The following STIM1 variants were observed in gnomAD, a reference collection of about 807,000 sequenced individuals.
The protein encoded by STIM1 is stromal interaction molecule 1.
A neutral mutation model predicts 74.7 loss-of-function variants in STIM1; 25 were observed. The ratio of observed to expected loss-of-function variants is 0.33; its 90% CI spans 0.24 to 0.47. The LOEUF (loss-of-function observed/expected upper bound fraction) is 0.47. Among genes scored for constraint, STIM1 ranks in the 20% least tolerant of loss-of-function variants. The probability of loss-of-function intolerance (pLI) is 1.00; values close to 1 mark genes in which losing one functional copy is unlikely to be tolerated. For missense variants in STIM1, 728 were observed against 920.8 expected (o/e 0.79, Z 2.71); for synonymous variants, 328 against 348.8 (o/e 0.94, Z 0.66).
intron 2 of STIM1, among the ~76,000 whole-genome samples, chr11:3,982,781 A>G (rs910000169): frequency 2.0e-5 from 3 of 152,296 alleles, no homozygotes; most frequent in African/African-American, 7.2e-5. Context: ...TGTGAATTAA[A>G]TCTCAATAAA....
chr11:4,081,578 T>G (rs10767827), intron 7 of STIM1, among the ~76,000 whole-genome samples: 117,858 of 152,160 alleles, frequency 0.77, 47,260 homozygotes, highest in South Asian at 0.91. Flanking sequence ...CATTTTTCAG[T>G]TCTCTCTGAC....
At chr11:4,000,420 C>T (rs1379332258) in intron 2 of STIM1, among the ~76,000 whole-genome samples, 6 of 150,436 alleles carry the variant, frequency 4.0e-5, no homozygotes, top group South Asian at 2.2e-4. Context: ...GCAGCATTCG[C>T]GGATCATGAA....
chr11:3,895,743 T>TCTTTTCCTTCCTTC, intron 1 of STIM1, among the ~76,000 whole-genome samples: 1 of 34,526 alleles, frequency 2.9e-5, no homozygotes, highest in South Asian at 1.2e-3. Context: ...TCTTTTTCTT[T>TCTTTTCCTTCCTTC]CTTCCTTCCT....
At chr11:4,033,573 A>T (rs2094070786) in intron 3 of STIM1, among the ~76,000 whole-genome samples, 1 of 151,508 alleles carries the variant, frequency 6.6e-6, no homozygotes, top group South Asian at 2.1e-4. Context: ...AAATGAGGTG[A>T]GCAGATATCC....
chr11:3,869,233 TGCTAGGTTTATAG>T (rs1250803937), intron 1 of STIM1, among the ~76,000 whole-genome samples: 1 of 152,228 alleles, frequency 6.6e-6, no homozygotes, highest in Non-Finnish European at 1.5e-5. Flanking sequence ...CTTCCCAAAG[TGCTAGGTTTATAG>T]GCGTGAGCCA....
intron 6 of STIM1, among the ~76,000 whole-genome samples, chr11:4,072,582 A>G (rs780818512): frequency 2.6e-5 from 4 of 152,182 alleles, no homozygotes; most frequent in Admixed American, 6.5e-5. Context: ...TCTACACCCA[A>G]CAATGATTAT....
At chr11:3,924,140 T>A (rs926171644) in intron 1 of STIM1, among the ~76,000 whole-genome samples, 21 of 151,872 alleles carry the variant, frequency 1.4e-4, no homozygotes, top group African/African-American at 4.6e-4. Flanking sequence ...TAAAATTATT[T>A]TTTTTTTTCT....
intron 1 of STIM1, among the ~76,000 whole-genome samples, chr11:3,881,279 T>C: frequency 6.6e-6 from 1 of 152,074 alleles, no homozygotes; most frequent in South Asian, 2.1e-4. Flanking sequence ...CATCAATCTG[T>C]GTATCTGTGT....
chr11:4,033,055 C>A (rs968730237), intron 3 of STIM1, among the ~76,000 whole-genome samples: 9 of 152,142 alleles, frequency 5.9e-5, no homozygotes, highest in African/African-American at 2.2e-4. Context: ...GGAAGGGATC[C>A]AGTTTCGGCT....
intron 1 of STIM1, among the ~76,000 whole-genome samples, chr11:3,928,825 A>G (rs1204747114): frequency 2.0e-5 from 3 of 152,106 alleles, no homozygotes; most frequent in East Asian, 1.9e-4. Flanking sequence ...TAAACCTTCT[A>G]TCTGCCACCT....
intron 4 of STIM1, 62 bp from the exon 5 acceptor site, chr11:4,059,219 C>T: frequency 1.4e-6 from 2 of 1,430,472 alleles, no homozygotes; most frequent in Non-Finnish European, 9.9e-7. Context: ...GCGGGTAATC[C>T]TACCAGGATC....
chr11:3,908,485 G>A (rs534110374), intron 1 of STIM1, among the ~76,000 whole-genome samples: 16 of 152,056 alleles, frequency 1.1e-4, no homozygotes, highest in Non-Finnish European at 2.4e-4. Context: ...GGTGGCGGGC[G>A]CCTGTAGTCC....
intron 3 of STIM1, among the ~76,000 whole-genome samples, chr11:4,043,052 G>A (rs934942982): frequency 2.6e-5 from 4 of 152,126 alleles, no homozygotes; most frequent in Non-Finnish European, 5.9e-5. Context: ...GGGAAATTGA[G>A]GTTCATAATG....
At chr11:3,967,793 C>T in intron 2 of STIM1, 111 bp downstream of exon 2, 3 of 1,492,114 alleles carry the variant, frequency 2.0e-6, no homozygotes, top group Non-Finnish European at 2.8e-6. Flanking sequence ...CTGGCTTGTT[C>T]TTTAGGAACT....
chr11:3,927,019 A>T (rs529176769), intron 1 of STIM1, among the ~76,000 whole-genome samples: 1 of 152,324 alleles, frequency 6.6e-6, no homozygotes, highest in African/African-American at 2.4e-5. Context: ...GGAGAATGGC[A>T]TCTAACTTTT....
At chr11:3,880,139 C>G (rs2091447802) in intron 1 of STIM1, among the ~76,000 whole-genome samples, 1 of 151,972 alleles carries the variant, frequency 6.6e-6, no homozygotes, top group Non-Finnish European at 1.5e-5. Context: ...GCCTCATGAC[C>G]CTTAGTAAAT....
chr11:4,078,582 T>C (rs1187161937), intron 7 of STIM1, among the ~76,000 whole-genome samples: 2 of 152,050 alleles, frequency 1.3e-5, no homozygotes, highest in Non-Finnish European at 2.9e-5. Context: ...TTTTTTTTTT[T>C]TTAAGATGGA....
chr11:3,949,299 A>G (rs1332037667), intron 1 of STIM1, among the ~76,000 whole-genome samples: 1 of 152,220 alleles, frequency 6.6e-6, no homozygotes, highest in Non-Finnish European at 1.5e-5. Context: ...ATCATGTACA[A>G]AGCCACAAAG....
At chr11:3,901,731 G>C (rs1278019538) in intron 1 of STIM1, among the ~76,000 whole-genome samples, 1 of 152,218 alleles carries the variant, frequency 6.6e-6, no homozygotes, top group Non-Finnish European at 1.5e-5. Flanking sequence ...TTAGCTAACT[G>C]AGCTTTTATT....
Sources: allele counts gnomAD v4.1 joint callset (sites outside exome capture counted in the v4.1 genomes callset), GRCh38; gene constraint gnomAD v4.1.1; transcripts MANE v1.5; gene names NCBI Gene and HGNC (gene_info 2026-07-23, HGNC 2026-07-21).